LCOR: variants seen among roughly 807,000 people sequenced by gnomAD.
LCOR encodes the protein ligand dependent nuclear receptor corepressor.
Under a neutral mutation model 64.4 loss-of-function variants are expected in LCOR, and 14 were observed. The ratio of observed to expected loss-of-function variants is 0.22; its 90% CI spans 0.14 to 0.34. The LOEUF is 0.34. LCOR is among the 10% of genes least tolerant of loss of function. LCOR has a pLI of 1.00. For synonymous variants in LCOR, 643 were observed against 642.5 expected (o/e 1.00, Z -0.01); for missense variants, 1,686 against 1,765.3 (o/e 0.96, Z 0.80).
At chr10:96,904,677 A>G (rs1355411269) in intron 2 of LCOR, among the ~76,000 whole-genome samples, 1 of 152,224 alleles carries the variant, frequency 6.6e-6, no homozygotes, top group Non-Finnish European at 1.5e-5. Flanking sequence ...GTGATTGAAC[A>G]TAACGGCATG....
chr10:96,916,763 C>T (rs565990434), intron 4 of LCOR, among the ~76,000 whole-genome samples: 11 of 151,930 alleles, frequency 7.2e-5, no homozygotes, highest in East Asian at 2.0e-4. Flanking sequence ...TACAGGCGCA[C>T]GCCACCCCAC....
intron 4 of LCOR, chr10:96,915,723 C>T: frequency 1.4e-6 from 1 of 691,418 alleles, no homozygotes; most frequent in Non-Finnish European, 2.7e-6. Context: ...TTGCCAGCAT[C>T]AGCTTTTTCC....
chr10:96,878,885 C>G (rs2134416571), intron 2 of LCOR, among the ~76,000 whole-genome samples: 1 of 152,256 alleles, frequency 6.6e-6, no homozygotes, highest in Admixed American at 6.5e-5. Context: ...AGTGACCTCC[C>G]AGGCTCAAGC....
chr10:96,844,044 G>T (rs1268950639), intron 2 of LCOR, among the ~76,000 whole-genome samples: 3 of 151,644 alleles, frequency 2.0e-5, no homozygotes, highest in African/African-American at 7.3e-5. Context: ...GGTAGACCTG[G>T]GATTGGAAAT....
At chr10:96,957,142 A>T (rs1363409724) in intron 7 of LCOR, 3 of 984,896 alleles carry the variant, frequency 3.0e-6, no homozygotes, top group Non-Finnish European at 3.6e-6. Flanking sequence ...AAATACTAGT[A>T]GAAGGGGGAG....
intron 6 of LCOR, among the ~76,000 whole-genome samples, chr10:96,949,871 TA>T (rs1473014626): frequency 6.6e-6 from 1 of 152,234 alleles, no homozygotes; most frequent in African/African-American, 2.4e-5. Context: ...ATCCACTGAC[TA>T]ACTTGAAAGT....
intron 2 of LCOR, among the ~76,000 whole-genome samples, chr10:96,852,276 G>A (rs920351776): frequency 6.6e-6 from 1 of 152,094 alleles, no homozygotes; most frequent in Non-Finnish European, 1.5e-5. Context: ...AAAGAAATTA[G>A]CCCAGTCTGG....
chr10:96,857,188 GT>G (rs1461180011), intron 2 of LCOR, among the ~76,000 whole-genome samples: 4 of 152,082 alleles, frequency 2.6e-5, no homozygotes, highest in Non-Finnish European at 4.4e-5. Context: ...AAGAAATAGT[GT>G]TGTAATTGTT....
intron 4 of LCOR, among the ~76,000 whole-genome samples, chr10:96,919,004 A>G (rs935950221): frequency 6.6e-5 from 10 of 152,244 alleles, no homozygotes. Context: ...GTTAAGTATA[A>G]AAAACTACTG....
chr10:96,907,589 C>T, intron 3 of LCOR, 79 bp from the exon 4 acceptor site: 1 of 576,518 alleles, frequency 1.7e-6, no homozygotes, highest in Non-Finnish European at 2.2e-6. Flanking sequence ...TTTTGTTAAA[C>T]AATATTTTTG....
chr10:96,873,916 G>A (rs1407162275), intron 2 of LCOR, among the ~76,000 whole-genome samples: 1 of 152,086 alleles, frequency 6.6e-6, no homozygotes, highest in African/African-American at 2.4e-5. Context: ...TAGCATCATG[G>A]AGTTTTTAGA....
chr10:96,882,391 CTAA>C (rs1277769484), intron 2 of LCOR, among the ~76,000 whole-genome samples: 2 of 152,128 alleles, frequency 1.3e-5, no homozygotes, highest in Non-Finnish European at 2.9e-5. Context: ...TGATACAACA[CTAA>C]ACCTTGATGA....
chr10:96,955,263 C>T (rs745816326), intron 7 of LCOR: 2 of 1,614,006 alleles, frequency 1.2e-6, no homozygotes, highest in South Asian at 2.2e-5. Context: ...AAATGGTGCA[C>T]TCAGCAACAT....
intron 7 of LCOR, chr10:96,961,256 T>G (rs1847874904): frequency 6.6e-6 from 1 of 152,118 alleles, no homozygotes; most frequent in Non-Finnish European, 1.5e-5. Flanking sequence ...TGCAACCGTT[T>G]GGGGGGTAAT....
chr10:96,892,728 G>T (rs953072469), intron 2 of LCOR, among the ~76,000 whole-genome samples: 1 of 152,112 alleles, frequency 6.6e-6, no homozygotes, highest in Non-Finnish European at 1.5e-5. Context: ...TGCCTATTTT[G>T]TCTGATACTA....
chr10:96,891,527 ACTCTTT>A (rs1846442115), intron 2 of LCOR, among the ~76,000 whole-genome samples: 1 of 5,562 alleles, frequency 1.8e-4, no homozygotes, highest in Non-Finnish European at 4.1e-4. Flanking sequence ...CTCTGTCTTG[ACTCTTT>A]TTTTTTTTTT....
chr10:96,924,369 A>C (rs746887488), intron 4 of LCOR, among the ~76,000 whole-genome samples: 1 of 139,234 alleles, frequency 7.2e-6, no homozygotes, highest in Non-Finnish European at 1.5e-5. Context: ...CGCCCAGCCA[A>C]TTTGTTTTTG....
chr10:96,839,408 G>C lies in LCOR; in HGVS notation c.-330+5929G>C, dbSNP rs78710064. 3.0e-3 allele frequency among the ~76,000 whole-genome samples: 450 copies of C among 152,242 alleles called. 9 individuals are homozygous for C. Among genetic ancestry groups the C allele is most frequent in the East Asian group, 0.026 (135 of 5,166 alleles). On this transcript the variant is annotated intron_variant, in intron 2 of 7. Transcript: ENST00000421806. Reference sequence around the variant, plus strand: ...AGGAGCGTAGTAATAGAACGAAATAGAATTCTCAAGAAAAGCCAGGTGCGG... The same window carrying C: ...AGGAGCGTAGTAATAGAACGAAATACAATTCTCAAGAAAAGCCAGGTGCGG...
At chr10:96,905,264 C>T (rs530591141) in intron 2 of LCOR, among the ~76,000 whole-genome samples, 5 of 152,156 alleles carry the variant, frequency 3.3e-5, no homozygotes, top group East Asian at 1.9e-4. Context: ...CAAGAATTTA[C>T]GCTCAGCCCG....
Sources: gnomAD v4.1 joint callset for allele counts (sites outside exome capture counted in the v4.1 genomes callset) on GRCh38, gnomAD v4.1.1 for gene constraint, MANE v1.5 for transcripts, NCBI Gene and HGNC (gene_info 2026-07-23, HGNC 2026-07-21) for gene names.